CCR6: variants seen among roughly 807,000 people sequenced by gnomAD.
CCR6 encodes C-C chemokine receptor type 6.
CCR6 carries 2 observed loss-of-function variants against 3.0 expected under a neutral mutation model. The ratio of observed to expected loss-of-function variants is 0.66; its 90% CI spans 0.27 to 2.07. CCR6 has a LOEUF of 2.07. Ranked by LOEUF, CCR6 falls within the 30% of genes most tolerant of loss-of-function variation. The pLI is 0.14. For missense variants in CCR6, 322 were observed against 462.8 expected (o/e 0.70, Z 2.79); for synonymous variants, 193 against 184.3 (o/e 1.05, Z -0.38).
intron 1 of CCR6, among the ~76,000 whole-genome samples, chr6:167,134,746 G>A (rs1020065004): frequency 2.0e-5 from 3 of 152,184 alleles, no homozygotes; most frequent in Non-Finnish European, 2.9e-5. Context: ...CACGTGGTGC[G>A]AGAGCAGGGA....
chr6:167,131,095 C>T (rs934911467), intron 1 of CCR6: 1 of 152,146 alleles, frequency 6.6e-6, no homozygotes, highest in Non-Finnish European at 1.5e-5. Context: ...ATCACACAGG[C>T]GCCCCAGTGC....
At chr6:167,114,112 G>A (rs752952158) in intron 1 of CCR6, among the ~76,000 whole-genome samples, 1 of 152,244 alleles carries the variant, frequency 6.6e-6, no homozygotes, top group African/African-American at 2.4e-5. Context: ...GCAAAGCAGG[G>A]CCCTTCGGCA....
intron 1 of CCR6, chr6:167,115,499 G>T (rs935535022): frequency 6.6e-6 from 1 of 152,108 alleles, no homozygotes; most frequent in African/African-American, 2.4e-5. Context: ...GTTTAAGCAG[G>T]GTGCCTTGTC....
intron 1 of CCR6, among the ~76,000 whole-genome samples, chr6:167,132,853 T>G (rs553182294): frequency 6.6e-6 from 1 of 152,286 alleles, no homozygotes; most frequent in South Asian, 2.1e-4. Context: ...CATTGTGGTT[T>G]TAATTTGCAT....
upstream of CCR6, among the ~76,000 whole-genome samples, chr6:167,118,087 G>A (rs549605678): frequency 3.3e-5 from 5 of 151,810 alleles, no homozygotes; most frequent in South Asian, 2.1e-4. Flanking sequence ...CAGTTCCATC[G>A]GCGTCTCTGG....
chr6:167,120,616 T>A (rs769984198), upstream of CCR6, among the ~76,000 whole-genome samples: 49 of 152,210 alleles, frequency 3.2e-4, no homozygotes, highest in Non-Finnish European at 5.4e-4. Context: ...GCCTCAATGT[T>A]GAGTTTTAAA....
upstream of CCR6, among the ~76,000 whole-genome samples, chr6:167,120,015 G>A (rs983071708): frequency 2.6e-5 from 4 of 152,160 alleles, no homozygotes; most frequent in African/African-American, 7.2e-5. Context: ...TTAAAAACAT[G>A]TTCATTACTT....
At chr6:167,123,719 T>C (rs1363560814) in intron 1 of CCR6, among the ~76,000 whole-genome samples, 1 of 152,104 alleles carries the variant, frequency 6.6e-6, no homozygotes, top group East Asian at 1.9e-4. Flanking sequence ...AGGTGGAAAT[T>C]TCAACAAGTC....
At chr6:167,134,651 G>A (rs1341889443) in intron 1 of CCR6, among the ~76,000 whole-genome samples, 1 of 152,174 alleles carries the variant, frequency 6.6e-6, no homozygotes, top group Non-Finnish European at 1.5e-5. Flanking sequence ...ACACAGTGTG[G>A]GGGCGAGGAG....
At position 167,130,979 on chromosome 6, in the gene CCR6, C is replaced by CT. The variant is rs201046378; in HGVS notation, c.-97-5058dup. On this transcript the variant is annotated intron_variant, in intron 1 of 2. Coordinates refer to ENST00000341935, the MANE Select transcript of CCR6 (RefSeq NM_031409.4). ...CGGGACTCCTCCCTCTGGGACCACC[C>CT]TCCCTCTGGACCCCCTCCCTTTGGG... Among the ~76,000 whole-genome samples, 21 of 56,924 alleles carry CT rather than the reference C, an allele frequency of 3.7e-4. No individual in the cohort carries two copies. In the East Asian group the frequency reaches 8.0e-3, roughly 22 times the overall value. The allele number at this position is 56,924 out of a possible 152,430, so 37.3% of individuals were successfully genotyped here.
In CCR6 at chr6:167,137,612, A is replaced by C. The variant is rs1483987328; in HGVS notation, c.*257A>C. The C allele has an allele frequency of 1.1e-5, 4 of 349,468 alleles. No homozygotes were observed. 21.6% of individuals were successfully genotyped at this position (349,468 alleles called of 1,614,324 possible). A position where few individuals can be genotyped will look rare whatever the true frequency, so the allele number is the denominator to read the frequency against. On this transcript the variant is annotated 3_prime_UTR_variant, in exon 3 of 3. Coordinates refer to ENST00000341935, the MANE Select transcript of CCR6 (RefSeq NM_031409.4). The surrounding 1 kb of genome is among the most constrained non-coding windows in gnomAD (Gnocchi z 4.6). ...TATATATCCGCCTGGCATTTCACAA[A>C]ACAGCCTTTGGGAAATGCTGAATTA...
At position 167,123,927 on chromosome 6, in the gene CCR6, C is replaced by A. The variant is rs41462547; in HGVS notation, c.-98+704C>A. Reference sequence around the variant, plus strand: ...AGGAGTTCGAGACCAGCCTGGCCAACATGGTAAAATCCCGTCTCTACTAAA... The same window carrying A: ...AGGAGTTCGAGACCAGCCTGGCCAAAATGGTAAAATCCCGTCTCTACTAAA... On this transcript the variant is annotated intron_variant, in intron 1 of 2. Coordinates refer to ENST00000341935, the MANE Select transcript of CCR6 (RefSeq NM_031409.4). Among the ~76,000 whole-genome samples the A allele has an allele frequency of 5.6e-3, 859 of 152,304 alleles. 15 individuals carry two copies. The highest frequency in any genetic ancestry group is 0.02 in the African/African-American group (823 of 41,554).
rs1305588057 is a variant in CCR6, at chr6:167,117,398, ATTTTCTTTTTTT to A, written c.-98+5401_-98+5412del. 5.5e-4 allele frequency among the ~76,000 whole-genome samples: 50 copies of A among 91,614 alleles called. 1 individual carries two copies. The highest frequency in any genetic ancestry group is 1.3e-3 in the African/African-American group (32 of 24,166). The allele number at this position is 91,614 out of a possible 152,430, so 60.1% of individuals were successfully genotyped here. On this transcript the variant is annotated intron_variant, in intron 1 of 2. Transcript: ENST00000400926. ...TGGGTTTGCTGCTTACCGGAACTCTATTTTCTTTTTTTTTTTCTTTTTTTTTTTTTTTTTTTG... is the reference window on the plus strand; with the variant it reads ...TGGGTTTGCTGCTTACCGGAACTCTATTTTCTTTTTTTTTTTTTTTTTTTG...
intron 1 of CCR6, chr6:167,131,456 G>A (rs1270134813): frequency 1.3e-5 from 2 of 152,294 alleles, no homozygotes; most frequent in Non-Finnish European, 2.9e-5. Context: ...CACGTGATGG[G>A]GAGGTCACTC....
intron 1 of CCR6, among the ~76,000 whole-genome samples, chr6:167,130,906 C>T (rs1781742834): frequency 6.7e-6 from 1 of 149,262 alleles, no homozygotes; most frequent in African/African-American, 2.6e-5. Context: ...CTGGTTCCCT[C>T]TGGGCCTCCT....
At chr6:167,118,295 C>T (rs528375232), upstream of CCR6, among the ~76,000 whole-genome samples, 33 of 152,296 alleles carry the variant, frequency 2.2e-4, no homozygotes, top group Non-Finnish European at 4.4e-4. Flanking sequence ...ATTTACAAAT[C>T]TAAAATCCTC....
upstream of CCR6, among the ~76,000 whole-genome samples, chr6:167,117,903 T>C (rs1382171519): frequency 2.6e-5 from 4 of 151,532 alleles, no homozygotes; most frequent in Non-Finnish European, 5.9e-5. Flanking sequence ...TTTTCAGTGC[T>C]CAAATTCTTC....
At chr6:167,123,366 C>T (rs538307571) in intron 1 of CCR6, 143 bp downstream of exon 1, 1 of 152,506 alleles carries the variant, frequency 6.6e-6, no homozygotes, top group Non-Finnish European at 1.5e-5. Flanking sequence ...ACGACACAGA[C>T]TTCCTTTCCT....
chr6:167,111,891 A>G (rs2114905716), exon 1 of CCR6: 1 of 152,514 alleles, frequency 6.6e-6, no homozygotes, highest in South Asian at 2.1e-4. Flanking sequence ...CTCTGTGGTC[A>G]TCAGTAAGAG....
Sources: allele counts gnomAD v4.1 joint callset (sites outside exome capture counted in the v4.1 genomes callset), GRCh38; gene constraint gnomAD v4.1.1; non-coding constraint Gnocchi (gnomAD v3.1); transcripts MANE v1.5; gene names NCBI Gene and HGNC (gene_info 2026-07-23, HGNC 2026-07-21).